Variants in NRG3 observed in about 807,000 individuals in gnomAD.
NRG3 encodes the protein neuregulin 3.
NRG3 carries 31 observed loss-of-function variants against 66.9 expected under a neutral mutation model. That is an observed-to-expected ratio of 0.46 (90% CI 0.35 to 0.63). The LOEUF (loss-of-function observed/expected upper bound fraction) is 0.63, where lower values mean the gene tolerates loss of function less well. Ranked by LOEUF, NRG3 falls within the 20% of genes least tolerant of loss-of-function variation. NRG3 has a pLI of 0.00. For synonymous variants in NRG3, 393 were observed against 359.4 expected (o/e 1.09, Z -1.06); for missense variants, 910 against 878.9 (o/e 1.04, Z -0.45).
At chr10:82,702,973 T>TG (rs200687149) in intron 2 of NRG3, among the ~76,000 whole-genome samples, 3 of 151,794 alleles carry the variant, frequency 2.0e-5, no homozygotes, top group Non-Finnish European at 4.4e-5. Flanking sequence ...TGCCATTTTT[T>TG]TTGTTGTTAT....
chr10:82,777,733 G>A (rs1182823923), intron 3 of NRG3, among the ~76,000 whole-genome samples: 1 of 152,182 alleles, frequency 6.6e-6, no homozygotes, highest in Non-Finnish European at 1.5e-5. Flanking sequence ...GACATTTTGA[G>A]CACTGAGAGA....
At chr10:82,067,749 GAC>G (rs2064568710) in intron 1 of NRG3, among the ~76,000 whole-genome samples, 1 of 152,158 alleles carries the variant, frequency 6.6e-6, no homozygotes, top group Non-Finnish European at 1.5e-5. Flanking sequence ...AGTTGTTTTT[GAC>G]ACAGAGTGGT....
chr10:81,954,145 TTGTGGA>T (rs1269281833), intron 1 of NRG3, among the ~76,000 whole-genome samples: 1 of 152,184 alleles, frequency 6.6e-6, no homozygotes, highest in Non-Finnish European at 1.5e-5. Flanking sequence ...TTTGAATTCA[TTGTGGA>T]TGAGGGGGCT....
intron 1 of NRG3, among the ~76,000 whole-genome samples, chr10:81,967,036 A>AC (rs544932673): frequency 5.2e-4 from 79 of 151,828 alleles, no homozygotes; most frequent in Non-Finnish European, 9.9e-4. Context: ...TATTTTAAAA[A>AC]ATTTTCTATT....
Position 82,204,580 on chromosome 10 carries a change from T to C in NRG3, c.824-154159T>C, listed in dbSNP as rs529525184. 3.9e-5 allele frequency among the ~76,000 whole-genome samples: 6 copies of C among 152,326 alleles called. No individual in the cohort carries two copies. The South Asian group carries it at 1.0e-3, about 26-fold the overall frequency. ...AAGTGGCATTCGCTGTACAACTCTCTCTGTGTTCTGGAATCTAGTTTCTTC... is the reference window on the plus strand; with the variant it reads ...AAGTGGCATTCGCTGTACAACTCTCCCTGTGTTCTGGAATCTAGTTTCTTC... On this transcript the variant is annotated intron_variant, in intron 1 of 8. Transcript: ENST00000372141.
At chr10:82,605,378 C>T (rs1472266739) in intron 2 of NRG3, among the ~76,000 whole-genome samples, 1 of 151,944 alleles carries the variant, frequency 6.6e-6, no homozygotes, top group Non-Finnish European at 1.5e-5. Flanking sequence ...TGATAGATTA[C>T]ATTAACAGAT....
intron 1 of NRG3, among the ~76,000 whole-genome samples, chr10:82,096,863 A>T (rs1286200848): frequency 6.6e-6 from 1 of 152,194 alleles, no homozygotes; most frequent in Non-Finnish European, 1.5e-5. Context: ...TGCAAAAGGT[A>T]TTAAAATATA....
chr10:82,035,920 C>A (rs2062773455), intron 1 of NRG3, among the ~76,000 whole-genome samples: 1 of 152,126 alleles, frequency 6.6e-6, no homozygotes. Context: ...AATTTTTCTA[C>A]ATAAAAATTG....
At chr10:82,066,776 G>T (rs2064498489) in intron 1 of NRG3, among the ~76,000 whole-genome samples, 2 of 152,132 alleles carry the variant, frequency 1.3e-5, no homozygotes, top group Admixed American at 6.5e-5. Flanking sequence ...GCCATATGTT[G>T]GGAAGACACC....
intron 8 of NRG3, chr10:82,984,725 T>G (rs1200813656): frequency 2.6e-6 from 4 of 1,536,196 alleles, no homozygotes; most frequent in Non-Finnish European, 1.8e-6. Context: ...GGTGTCCTGT[T>G]TGTCACAATG....
chr10:82,775,072 T>C (rs1019931877), intron 3 of NRG3, among the ~76,000 whole-genome samples: 3 of 152,030 alleles, frequency 2.0e-5, no homozygotes, highest in African/African-American at 7.2e-5. Context: ...AGTGATCTGC[T>C]GCCTCAGCCT....
At chr10:82,806,024 A>G (rs72831329) in intron 3 of NRG3, among the ~76,000 whole-genome samples, 11,103 of 152,264 alleles carry the variant, frequency 0.073, 411 homozygotes, top group Middle Eastern at 0.1. Context: ...ATTTTATCTA[A>G]TCTTATTAAT....
intron 7 of NRG3, 151 bp from the exon 8 acceptor site, chr10:82,978,799 C>A: frequency 1.4e-6 from 1 of 702,660 alleles, no homozygotes; most frequent in South Asian, 1.9e-5. Flanking sequence ...CATTCTACCA[C>A]ATATACTTCA....
intron 1 of NRG3, among the ~76,000 whole-genome samples, chr10:82,080,537 C>T (rs1334064492): frequency 2.6e-5 from 4 of 152,106 alleles, no homozygotes; most frequent in Non-Finnish European, 5.9e-5. Context: ...TTCCCTCTTG[C>T]CACATGCTCC....
At chr10:82,092,051 A>G (rs2066057675) in intron 1 of NRG3, among the ~76,000 whole-genome samples, 1 of 152,208 alleles carries the variant, frequency 6.6e-6, no homozygotes, top group South Asian at 2.1e-4. Flanking sequence ...TACTATAGTT[A>G]ACATTTTTTT....
At chr10:82,249,191 C>G (rs1436723252) in intron 1 of NRG3, among the ~76,000 whole-genome samples, 2 of 151,848 alleles carry the variant, frequency 1.3e-5, no homozygotes, top group African/African-American at 4.8e-5. Flanking sequence ...ATCTTTTTTC[C>G]TAGATTATAA....
chr10:82,457,061 G>T (rs1283720775), intron 2 of NRG3, among the ~76,000 whole-genome samples: 1 of 152,070 alleles, frequency 6.6e-6, no homozygotes, highest in Non-Finnish European at 1.5e-5. Flanking sequence ...TCACCCTAGA[G>T]CTACGTAATC....
At chr10:82,530,401 A>G (rs972756390) in intron 2 of NRG3, among the ~76,000 whole-genome samples, 9 of 151,958 alleles carry the variant, frequency 5.9e-5, no homozygotes, top group Admixed American at 2.0e-4. Context: ...TTGAAGAAAA[A>G]CTAATGCTTA....
intron 1 of NRG3, 24 bp from the exon 2 acceptor site, chr10:82,358,715 T>A: frequency 6.2e-7 from 1 of 1,613,858 alleles, no homozygotes; most frequent in East Asian, 2.2e-5. Context: ...CTGACAGCGT[T>A]TCCCCCTGTG....
Sources: allele counts gnomAD v4.1 joint callset (sites outside exome capture counted in the v4.1 genomes callset), GRCh38; gene constraint gnomAD v4.1.1; transcripts MANE v1.5; gene names NCBI Gene and HGNC (gene_info 2026-07-23, HGNC 2026-07-21).